The following CEP126 variants were observed in gnomAD, a reference collection of about 807,000 sequenced individuals.
The protein encoded by CEP126 is centrosomal protein 126, also known as centrosomal protein of 126 kDa.
CEP126 carries 74 observed loss-of-function variants against 107.8 expected under a neutral mutation model. The observed-to-expected ratio is 0.69, with a 90% CI of 0.57 to 0.83. The LOEUF is 0.83. Among genes scored for constraint, CEP126 ranks in the 40% least tolerant of loss-of-function variants. The pLI is 0.00. For synonymous variants in CEP126, 449 were observed against 446.0 expected, an observed-to-expected ratio of 1.01 and a Z score of -0.08; for missense variants, 1,237 against 1,281.9, an observed-to-expected ratio of 0.96 and a Z score of 0.53.
At position 101,915,416 on chromosome 11, in the gene CEP126, T is replaced by G. The variant is rs749291141; in HGVS notation, c.128+4T>G. 5 of 1,610,178 alleles carry G rather than the reference T, an allele frequency of 3.1e-6. No individual in the cohort carries two copies. The South Asian group carries it at 4.4e-5, about 14-fold the overall frequency. ...ATCACCGACCTGGCTCTTACCTGTA[T>G]CCTTCCCAGCCTGTGGCTGCCAGGG... On this transcript the variant is annotated splice_donor_region_variant and intron_variant, in intron 1 of 10. Coordinates refer to ENST00000263468, the MANE Select transcript of CEP126 (RefSeq NM_020802.4).
Position 101,983,489 on chromosome 11 carries a change from A to G in CEP126, c.3034+1525A>G, listed in dbSNP as rs189044231. Among the ~76,000 whole-genome samples the G allele has an allele frequency of 1.6e-3, 243 of 152,316 alleles. 2 individuals are homozygous for G. The highest frequency in any genetic ancestry group is 0.012 in the South Asian group (57 of 4,826). ...ATGGTATGCTGATCATGAAACAAGC[A>G]AAGATCTATCATGATGAACTGAAAA... On this transcript the variant is annotated intron_variant, in intron 8 of 10. Transcript: ENST00000263468.
intron 4 of CEP126, among the ~76,000 whole-genome samples, chr11:101,955,612 G>C (rs1940875445): frequency 6.6e-6 from 1 of 152,184 alleles, no homozygotes; most frequent in Non-Finnish European, 1.5e-5. Context: ...AATAAGCTAT[G>C]TACGTTTTTC....
At chr11:101,974,452 CAG>C (rs1440746044) in intron 6 of CEP126, among the ~76,000 whole-genome samples, 1 of 152,032 alleles carries the variant, frequency 6.6e-6, no homozygotes, top group Non-Finnish European at 1.5e-5. Flanking sequence ...GTAAAAATTG[CAG>C]AGAGGTTTTC....
chr11:101,955,688 T>C lies in CEP126; in HGVS notation c.507-2480T>C, dbSNP rs564170076. 232 of 357,822 alleles carry C rather than the reference T, an allele frequency of 6.5e-4. 1 individual carries two copies. The Middle Eastern group carries it at 9.6e-3, about 15-fold the overall frequency. 22.2% of individuals were successfully genotyped at this position (357,822 alleles called of 1,614,324 possible). Reference sequence around the variant, plus strand: ...TACATGGACCCTATGGACAAGAAAATAACATGAATCAAAAGCCTAGAGGCA... The same window carrying C: ...TACATGGACCCTATGGACAAGAAAACAACATGAATCAAAAGCCTAGAGGCA... On this transcript the variant is annotated intron_variant, in intron 4 of 10. Transcript: ENST00000263468.
At chr11:101,926,570 C>G (rs550379174) in intron 2 of CEP126, among the ~76,000 whole-genome samples, 5 of 152,128 alleles carry the variant, frequency 3.3e-5, no homozygotes, top group African/African-American at 4.8e-5. Context: ...GAATTGAAAA[C>G]AGGCTGGAGG....
chr11:101,995,864 T>C (rs900699891), intron 10 of CEP126, among the ~76,000 whole-genome samples: 22 of 152,246 alleles, frequency 1.4e-4, no homozygotes, highest in Non-Finnish European at 1.2e-4. Context: ...TCTTCTTCCG[T>C]TTATTAAATA....
chr11:101,958,429 G>T, intron 5 of CEP126, 63 bp downstream of exon 5: 1 of 1,389,676 alleles, frequency 7.2e-7, no homozygotes, highest in Non-Finnish European at 1.0e-6. Flanking sequence ...CTCCACTTTT[G>T]CAGTGTTCTC....
Position 101,962,215 on chromosome 11 carries a change from A to G in CEP126, c.1180A>G (p.Thr394Ala), listed in dbSNP as rs745775888. 1 of 1,613,994 alleles carries G rather than the reference A, an allele frequency of 6.2e-7. No homozygotes were observed. Among genetic ancestry groups the G allele is most frequent in the Admixed American group, 1.7e-5 (1 of 60,018 alleles). Residue 394 changes from threonine to alanine, a missense_variant, in exon 6 of 11, where the codon ACA becomes GCA. Physicochemically the swap from Thr to Ala is moderately conservative, Grantham distance 58. Transcript: ENST00000263468. ...EKTSETSTMR[T>A]TDSTSGAFKR... ...GACCTCTGAAACTAGCACTATGAGGACAACTGACTCCACTTCTGGAGCATT... is the reference window on the plus strand; with the variant it reads ...GACCTCTGAAACTAGCACTATGAGGGCAACTGACTCCACTTCTGGAGCATT...
At chr11:101,936,210 G>A (rs1295096691) in intron 2 of CEP126, among the ~76,000 whole-genome samples, 1 of 151,588 alleles carries the variant, frequency 6.6e-6, no homozygotes, top group Admixed American at 6.6e-5. Context: ...CCTTTATTTT[G>A]GTTTGGGTTT....
chr11:101,916,483 A>G (rs887275162), intron 1 of CEP126: 1 of 152,196 alleles, frequency 6.6e-6, no homozygotes, highest in Non-Finnish European at 1.5e-5. Context: ...CAGGTTCTCA[A>G]AATGGTAGCT....
intron 10 of CEP126, among the ~76,000 whole-genome samples, chr11:101,997,133 G>T (rs1941451309): frequency 6.6e-6 from 1 of 152,154 alleles, no homozygotes; most frequent in African/African-American, 2.4e-5. Flanking sequence ...CGCCTCCCAG[G>T]TTCAAGGGAT....
intron 3 of CEP126, among the ~76,000 whole-genome samples, chr11:101,945,691 T>C (rs1010620039): frequency 7.9e-5 from 12 of 152,160 alleles, no homozygotes; most frequent in African/African-American, 2.7e-4. Flanking sequence ...CAAAAGTCTT[T>C]AGTAACACAG....
chr11:101,915,291 G>A lies in CEP126; in HGVS notation c.7G>A (p.Ala3Thr). Residue 3 changes from alanine (A) to threonine (T), a missense_variant, in exon 1 of 11, where the codon GCG (alanine) becomes ACG (threonine). Physicochemically the swap from Ala to Thr is moderately conservative, Grantham distance 58 (BLOSUM62 0). This residue lies in a region of CEP126 where 1,134 missense variants were observed against 1,150.5 expected (regional missense o/e 0.99). Transcript: ENST00000263468. ML[A>T]GRPGTRSAVG... ...GGCGGCGCTGAAGTGAAGGATGCTG[G>A]CGGGGAGGCCCGGAACCCGGAGCGC... 1 of 1,613,632 alleles carries A rather than the reference G, an allele frequency of 6.2e-7. No homozygotes were observed. The highest frequency in any genetic ancestry group is 8.5e-7 in the Non-Finnish European group (1 of 1,179,924).
rs1491167740 is a variant in CEP126 at position 101,938,159 on chromosome 11, C to CAAAAAAAAAAAAAAA, written c.249-6103_249-6089dup. Among the ~76,000 whole-genome samples the CAAAAAAAAAAAAAAA allele has an allele frequency of 4.8e-3, 187 of 39,208 alleles. 4 individuals carry two copies. The highest frequency in any genetic ancestry group is 6.9e-3 in the Non-Finnish European group (129 of 18,732). The allele number at this position is 39,208 out of a possible 152,430, so 25.7% of individuals were successfully genotyped here. A position where few individuals can be genotyped will look rare whatever the true frequency, so the allele number is the denominator to read the frequency against. Reference sequence around the variant, plus strand: ...TGGGCGACAGAGCGAGACTCTGTCTCAAAAAAAAAAAAAAAAATACAAGAA... The same window carrying CAAAAAAAAAAAAAAA: ...TGGGCGACAGAGCGAGACTCTGTCTCAAAAAAAAAAAAAAAAAAAAAAAAAAAAAAAATACAAGAA... On this transcript the variant is annotated intron_variant, in intron 2 of 10. Transcript: ENST00000263468.
At chr11:101,989,131 C>A (rs1364602004) in intron 9 of CEP126, among the ~76,000 whole-genome samples, 1 of 152,062 alleles carries the variant, frequency 6.6e-6, no homozygotes, top group Admixed American at 6.6e-5. Context: ...CCTCTAACCA[C>A]AATGCAATTT....
At chr11:101,979,197 A>G (rs939607805) in intron 7 of CEP126, among the ~76,000 whole-genome samples, 1 of 152,036 alleles carries the variant, frequency 6.6e-6, no homozygotes, top group Non-Finnish European at 1.5e-5. Context: ...TGAATATCCT[A>G]TTTGTGTCTG....
At chr11:101,954,273 G>A (rs990738341) in intron 4 of CEP126, among the ~76,000 whole-genome samples, 2 of 152,086 alleles carry the variant, frequency 1.3e-5, no homozygotes, top group African/African-American at 2.4e-5. Context: ...TGATCCACCC[G>A]CCTCGGCCTC....
At chr11:101,934,286 C>T (rs1940545009) in intron 2 of CEP126, among the ~76,000 whole-genome samples, 1 of 151,986 alleles carries the variant, frequency 6.6e-6, no homozygotes. Flanking sequence ...CTGCATAGAC[C>T]ATTCATCCAA....
At chr11:101,987,985 CTT>C (rs1941334824) in intron 9 of CEP126, among the ~76,000 whole-genome samples, 1 of 149,234 alleles carries the variant, frequency 6.7e-6, no homozygotes, top group Non-Finnish European at 1.5e-5. Flanking sequence ...AAGTAAATAA[CTT>C]AATCCGTAAT....
Sources: gnomAD v4.1 joint callset for allele counts (sites outside exome capture counted in the v4.1 genomes callset) on GRCh38, gnomAD v4.1.1 for gene constraint, gnomAD v4.1.1 regional missense constraint, MANE v1.5 for transcripts, NCBI Gene and HGNC (gene_info 2026-07-23, HGNC 2026-07-21) for gene names.